CCNH: variants seen among roughly 807,000 people sequenced by gnomAD.
The protein encoded by CCNH is cyclin-H.
In CCNH, 31 loss-of-function variants were observed where a neutral mutation model predicts 41.9. That is an observed-to-expected ratio of 0.74 (90% confidence interval 0.56 to 1.00). The LOEUF (loss-of-function observed/expected upper bound fraction) is 1.00. Among genes scored for constraint, CCNH ranks in the 50% least tolerant of loss-of-function variants. The pLI is 0.00. For synonymous variants in CCNH, 138 were observed against 136.1 expected (o/e 1.01, Z -0.10); for missense variants, 362 against 388.4 (o/e 0.93, Z 0.57).
At chr5:87,412,372 C>G in intron 1 of CCNH, 1 of 1,105,400 alleles carries the variant, frequency 9.0e-7, no homozygotes. Context: ...AAAAACCTTC[C>G]CCAACATCAT....
chr5:87,394,928 G>GA (rs374276842), intron 8 of CCNH, 116 bp downstream of exon 8: 16 of 1,548,578 alleles, frequency 1.0e-5, no homozygotes, highest in African/African-American at 5.5e-5. Context: ...TGCAAAAAAT[G>GA]AAAAAACCCA....
chr5:87,319,446 G>C (rs1464238270), intron 9 of CCNH, among the ~76,000 whole-genome samples: 4 of 152,230 alleles, frequency 2.6e-5, no homozygotes, highest in Admixed American at 6.5e-5. Context: ...TCAAGGTGGA[G>C]GCTCCCAAAC....
chr5:87,386,538 C>T (rs1762073915), downstream of CCNH, among the ~76,000 whole-genome samples: 1 of 151,884 alleles, frequency 6.6e-6, no homozygotes, highest in Admixed American at 6.6e-5. Context: ...TGCTTGGGTC[C>T]AGAATTTTCT....
At chr5:87,337,346 T>G (rs1758048066) in intron 9 of CCNH, among the ~76,000 whole-genome samples, 1 of 152,030 alleles carries the variant, frequency 6.6e-6, no homozygotes, top group South Asian at 2.1e-4. Flanking sequence ...ATACATTCCT[T>G]TCTCATAATA....
At chr5:87,337,768 G>A (rs1212504745) in intron 9 of CCNH, among the ~76,000 whole-genome samples, 1 of 151,892 alleles carries the variant, frequency 6.6e-6, no homozygotes, top group Non-Finnish European at 1.5e-5. Flanking sequence ...TTACTCATGA[G>A]GTAATTAAAA....
chr5:87,321,310 C>T (rs149084966), intron 9 of CCNH, among the ~76,000 whole-genome samples: 4 of 152,302 alleles, frequency 2.6e-5, no homozygotes, highest in Non-Finnish European at 4.4e-5. Context: ...GTATTTCTCC[C>T]TGCCAAATAA....
At chr5:87,394,787 A>G (rs1019004010) in intron 8 of CCNH, 6 of 1,342,880 alleles carry the variant, frequency 4.5e-6, no homozygotes, top group Non-Finnish European at 5.7e-6. Flanking sequence ...ATAAGAAAAA[A>G]AGCAAAAATG....
At chr5:87,353,812 C>T (rs1204290283) in intron 9 of CCNH, among the ~76,000 whole-genome samples, 2 of 152,044 alleles carry the variant, frequency 1.3e-5, no homozygotes, top group African/African-American at 2.4e-5. Flanking sequence ...AAAGATTGGC[C>T]TTGAGCAAGA....
At chr5:87,393,424 A>G (rs1036778243), downstream of CCNH, 2 of 152,158 alleles carry the variant, frequency 1.3e-5, no homozygotes, top group African/African-American at 4.8e-5. Context: ...AAGAGTAGGC[A>G]TTTTTATCTT....
chr5:87,324,530 T>G (rs2112346158), intron 9 of CCNH, among the ~76,000 whole-genome samples: 1 of 152,276 alleles, frequency 6.6e-6, no homozygotes, highest in African/African-American at 2.4e-5. Flanking sequence ...TTAGAAATGC[T>G]CTCTCGAAAC....
intron 7 of CCNH, among the ~76,000 whole-genome samples, chr5:87,396,172 T>C (rs1042520005): frequency 6.6e-6 from 1 of 152,204 alleles, no homozygotes; most frequent in African/African-American, 2.4e-5. Flanking sequence ...CTAGAGATGA[T>C]TTAAAGTATA....
intron 9 of CCNH, among the ~76,000 whole-genome samples, chr5:87,335,781 G>A (rs1456166484): frequency 6.6e-6 from 1 of 152,116 alleles, no homozygotes; most frequent in Non-Finnish European, 1.5e-5. Context: ...GATATAGATA[G>A]CTCAGTGAAC....
At chr5:87,327,996 C>T (rs1190539205) in intron 9 of CCNH, among the ~76,000 whole-genome samples, 1 of 151,710 alleles carries the variant, frequency 6.6e-6, no homozygotes, top group African/African-American at 2.4e-5. Context: ...AGAGAACTTC[C>T]TATGTGGACG....
intron 9 of CCNH, among the ~76,000 whole-genome samples, chr5:87,353,608 A>C (rs569834522): frequency 6.6e-6 from 1 of 152,174 alleles, no homozygotes; most frequent in South Asian, 2.1e-4. Context: ...ATTAGGGCAA[A>C]AAATGGTTTA....
rs1758163744 is a variant in CCNH at position 87,338,529 on chromosome 5, ATATAAAATTTT to A, written c.*91-19643_*91-19633del. On this transcript the variant is annotated intron_variant and NMD_transcript_variant, in intron 9 of 9. Transcript: ENST00000645953. ...TATATATATATATATATATATATAT[ATATAAAATTTT>A]TTTTTTTTTTAAGTAGAAATGGGGT... Among the ~76,000 whole-genome samples, 5 of 92,372 alleles carry A rather than the reference ATATAAAATTTT, an allele frequency of 5.4e-5. 1 individual carries two copies. The South Asian group carries it at 1.8e-3, about 33-fold the overall frequency. The allele number at this position is 92,372 out of a possible 152,430, so 60.6% of individuals were successfully genotyped here.
chr5:87,374,766 AT>A, downstream of CCNH: 1 of 1,582,230 alleles, frequency 6.3e-7, no homozygotes, highest in Non-Finnish European at 8.6e-7. Flanking sequence ...GGTTTATTTG[AT>A]ACTAGAACTA....
downstream of CCNH, among the ~76,000 whole-genome samples, chr5:87,388,168 T>A (rs1217009370): frequency 6.6e-6 from 1 of 152,208 alleles, no homozygotes; most frequent in African/African-American, 2.4e-5. Context: ...TCCTTTCTAC[T>A]GGAGTCAGTT....
At chr5:87,400,872 G>A (rs1019136938) in intron 6 of CCNH, among the ~76,000 whole-genome samples, 1 of 152,220 alleles carries the variant, frequency 6.6e-6, no homozygotes, top group Non-Finnish European at 1.5e-5. Flanking sequence ...AATGGAGAAT[G>A]CTGGCTAATC....
chr5:87,365,541 G>A (rs145918290), intron 9 of CCNH, among the ~76,000 whole-genome samples: 121 of 151,878 alleles, frequency 8.0e-4, no homozygotes, highest in African/African-American at 2.4e-3. Flanking sequence ...TTTAATTATC[G>A]TAAAATATAT....
Sources: gnomAD v4.1 joint callset for allele counts (sites outside exome capture counted in the v4.1 genomes callset) on GRCh38, gnomAD v4.1.1 for gene constraint, MANE v1.5 for transcripts, NCBI Gene and HGNC (gene_info 2026-07-23, HGNC 2026-07-21) for gene names.